HHAT: variants seen among roughly 807,000 people sequenced by gnomAD.
HHAT encodes hedgehog acyltransferase.
Under a neutral mutation model 70.8 loss-of-function variants are expected in HHAT, and 47 were observed. That is an observed-to-expected ratio of 0.66 (90% CI 0.53 to 0.85). The LOEUF is 0.85. Among genes scored for constraint, HHAT ranks in the 40% least tolerant of loss-of-function variants. The pLI, the probability that HHAT is intolerant of heterozygous loss-of-function variation, is 0.00. For missense variants in HHAT, 609 were observed against 604.8 expected, an observed-to-expected ratio of 1.01 and a Z score of -0.07; for synonymous variants, 228 against 247.6, an observed-to-expected ratio of 0.92 and a Z score of 0.74.
intron 9 of HHAT, among the ~76,000 whole-genome samples, chr1:210,549,109 C>A (rs201375073): frequency 0.023 from 3,128 of 138,634 alleles, 134 homozygotes; most frequent in East Asian, 0.14. Flanking sequence ...AGTTTGCTCA[C>A]CTGTAAAATT....
In HHAT at chr1:210,641,645, T is replaced by A. The variant is rs145317414; in HGVS notation, c.1390+17975T>A. Among the ~76,000 whole-genome samples, 1,163 of 152,372 alleles carry A rather than the reference T, an allele frequency of 7.6e-3. 11 individuals carry two copies. The highest frequency in any genetic ancestry group is 0.026 in the African/African-American group (1,080 of 41,590). ...ACAATTCAAGCATAACGCAATTTAGTGTTTGCTTATATGCAATTTTGTCCT... is the reference window on the plus strand; with the variant it reads ...ACAATTCAAGCATAACGCAATTTAGAGTTTGCTTATATGCAATTTTGTCCT... On this transcript the variant is annotated intron_variant, in intron 11 of 11. Transcript: ENST00000261458.
At chr1:210,516,745 A>C (rs2095063810) in intron 9 of HHAT, among the ~76,000 whole-genome samples, 1 of 152,120 alleles carries the variant, frequency 6.6e-6, no homozygotes. Flanking sequence ...CATAAAAAAA[A>C]AAAGCTGCAG....
chr1:210,392,948 A>T (rs1278978402), intron 4 of HHAT, among the ~76,000 whole-genome samples: 1 of 152,024 alleles, frequency 6.6e-6, no homozygotes, highest in Non-Finnish European at 1.5e-5. Flanking sequence ...CTATATTAGG[A>T]TATAGATGTC....
Position 210,404,694 on chromosome 1 carries a change from G to T in HHAT, c.684+15G>T. On this transcript the variant is annotated intron_variant, in intron 6 of 11. Transcript: ENST00000261458. The stretch of plus-strand genomic sequence containing the variant: ...TCATCAAACAGGTAGAGCCCGCTGG[G>T]GATGGGATTGGGATTCTATAGCTTA... 1 of 1,595,958 alleles carries T rather than the reference G, an allele frequency of 6.3e-7. No individual in the cohort carries two copies. The highest frequency in any genetic ancestry group is 8.6e-7 in the Non-Finnish European group (1 of 1,164,320).
In HHAT at chr1:210,440,455, C is replaced by T. The variant is rs2093479564; in HGVS notation, c.856+22130C>T. On this transcript the variant is annotated intron_variant, in intron 7 of 11. Transcript: ENST00000261458. ...ATGGCAATCAGTCCTTGGATGTAGC[C>T]CACCCCAGAAAGGCTTGGGTGAGGT... is the stretch of plus-strand genomic sequence containing the variant. 3.3e-5 allele frequency among the ~76,000 whole-genome samples: 5 copies of T among 151,550 alleles called. No individual in the cohort carries two copies. The South Asian group carries it at 1.0e-3, about 31-fold the overall frequency.
chr1:210,595,651 T>C (rs1473497165), intron 10 of HHAT, among the ~76,000 whole-genome samples: 2 of 152,190 alleles, frequency 1.3e-5, no homozygotes, highest in African/African-American at 4.8e-5. Context: ...TTTTAATGAT[T>C]GCCATTCTAA....
intron 9 of HHAT, among the ~76,000 whole-genome samples, chr1:210,569,373 CAAAAAAAAAAAAAAAAAAAAA>C (rs71146233): frequency 1.1e-3 from 32 of 28,344 alleles, no homozygotes; most frequent in Middle Eastern, 0.053. Context: ...GAGTCTGCCT[CAAAAAAAAAAAAAAAAAAAAA>C]AAAAAGCGTA....
chr1:210,535,433 G>A (rs2095360896), intron 9 of HHAT, among the ~76,000 whole-genome samples: 1 of 143,000 alleles, frequency 7.0e-6, no homozygotes, highest in Non-Finnish European at 1.5e-5. Context: ...TTGTGTGTTT[G>A]TGTGTGTGTG....
At chr1:210,460,275 A>G (rs1474306288) in intron 7 of HHAT, among the ~76,000 whole-genome samples, 1 of 152,330 alleles carries the variant, frequency 6.6e-6, no homozygotes, top group East Asian at 1.9e-4. Flanking sequence ...ACCATATGGG[A>G]TGAAAGATAC....
chr1:210,438,174 TTGTGTG>T (rs3036615), intron 7 of HHAT, among the ~76,000 whole-genome samples: 1 of 149,470 alleles, frequency 6.7e-6, no homozygotes, highest in Non-Finnish European at 1.5e-5. Context: ...TTCTCCGTGT[TTGTGTG>T]TGTGTGTGTG....
At chr1:210,663,374 C>T (rs961435269) in intron 11 of HHAT, among the ~76,000 whole-genome samples, 7 of 152,166 alleles carry the variant, frequency 4.6e-5, no homozygotes, top group African/African-American at 9.6e-5. Flanking sequence ...TGGCCAGCAA[C>T]GTTCACCATG....
intron 4 of HHAT, among the ~76,000 whole-genome samples, chr1:210,393,663 GCTT>G (rs1386989532): frequency 1.3e-5 from 2 of 152,168 alleles, no homozygotes; most frequent in East Asian, 1.9e-4. Context: ...GGTGGACTAG[GCTT>G]CTTCTCTGCA....
chr1:210,369,961 A>C (rs2089391717), intron 3 of HHAT, among the ~76,000 whole-genome samples: 1 of 152,080 alleles, frequency 6.6e-6, no homozygotes, highest in Admixed American at 6.6e-5. Context: ...GTGGTCAGTC[A>C]TTGAAGGGTT....
chr1:210,610,204 A>G (rs773178588), intron 10 of HHAT, among the ~76,000 whole-genome samples: 10 of 152,094 alleles, frequency 6.6e-5, no homozygotes, highest in Non-Finnish European at 1.5e-4. Context: ...ACTTTTTTAT[A>G]ATTGCCATTC....
intron 10 of HHAT, among the ~76,000 whole-genome samples, chr1:210,617,929 T>C (rs1367074702): frequency 2.0e-5 from 3 of 152,194 alleles, no homozygotes; most frequent in Non-Finnish European, 4.4e-5. Flanking sequence ...GATAGAACAT[T>C]AAGGAACTCA....
chr1:210,541,722 A>G (rs2095432931), intron 9 of HHAT, among the ~76,000 whole-genome samples: 1 of 152,156 alleles, frequency 6.6e-6, no homozygotes, highest in African/African-American at 2.4e-5. Context: ...GTGAGACTCC[A>G]TCTCAAAAAA....
At chr1:210,637,874 G>T (rs1041640660) in intron 11 of HHAT, among the ~76,000 whole-genome samples, 5 of 142,132 alleles carry the variant, frequency 3.5e-5, no homozygotes, top group Admixed American at 7.2e-5. Context: ...AAAAAAAAGG[G>T]GGGGGCAAAG....
chr1:210,643,041 A>G (rs1673282769), intron 11 of HHAT, among the ~76,000 whole-genome samples: 1 of 152,108 alleles, frequency 6.6e-6, no homozygotes, highest in African/African-American at 2.4e-5. Context: ...TGCGATAAGG[A>G]TCAATTTTTT....
chr1:210,647,839 A>G (rs889391830), intron 11 of HHAT, among the ~76,000 whole-genome samples: 2 of 152,238 alleles, frequency 1.3e-5, no homozygotes, highest in South Asian at 2.1e-4. Flanking sequence ...AAAATGCTAT[A>G]CAACTTTTAT....
Sources: gnomAD v4.1 joint callset for allele counts (sites outside exome capture counted in the v4.1 genomes callset) on GRCh38, gnomAD v4.1.1 for gene constraint, MANE v1.5 for transcripts, NCBI Gene and HGNC (gene_info 2026-07-23, HGNC 2026-07-21) for gene names.